The following TSPAN9 variants were observed in gnomAD, a reference collection of about 807,000 sequenced individuals.
The protein encoded by TSPAN9 is tetraspanin 9.
Under a neutral mutation model 31.0 loss-of-function variants are expected in TSPAN9, and 16 were observed. That is an observed-to-expected ratio of 0.52 (90% CI 0.35 to 0.78). The LOEUF is 0.78. TSPAN9 is among the 30% of genes least tolerant of loss of function. The probability of loss-of-function intolerance (pLI) is 0.01; values close to 1 mark genes in which losing one functional copy is unlikely to be tolerated. For missense variants in TSPAN9, 272 were observed against 312.5 expected, an observed-to-expected ratio of 0.87 and a Z score of 0.98; for synonymous variants, 145 against 121.6, an observed-to-expected ratio of 1.19 and a Z score of -1.27.
intron 3 of TSPAN9, among the ~76,000 whole-genome samples, chr12:3,213,788 G>C (rs995283559): frequency 1.3e-5 from 2 of 152,190 alleles, no homozygotes; most frequent in Admixed American, 1.3e-4. Context: ...CTGCATTGCC[G>C]ATTAGCTTTC....
chr12:3,279,341 A>G (rs933830563), intron 5 of TSPAN9, among the ~76,000 whole-genome samples: 6 of 152,234 alleles, frequency 3.9e-5, no homozygotes, highest in African/African-American at 1.4e-4. Context: ...CAGAGATGGC[A>G]GTGGGCTGCC....
chr12:3,278,987 T>C lies in TSPAN9; in HGVS notation c.256-5T>C, dbSNP rs1265115011. 15 of 1,614,134 alleles carry C rather than the reference T, an allele frequency of 9.3e-6. No homozygotes were observed. Among genetic ancestry groups the C allele is most frequent in the Non-Finnish European group, 1.3e-5 (15 of 1,179,982 alleles). ...CCTACCCATGCCTGGCCCTTTCCTT[T>C]CCAGTTTTTCATCGTCCTGTTGGTC... On this transcript the variant is annotated splice_region_variant and splice_polypyrimidine_tract_variant and intron_variant, in intron 4 of 8. Coordinates refer to ENST00000011898, the MANE Select transcript of TSPAN9 (RefSeq NM_006675.5).
At chr12:3,213,142 G>A (rs2098379633) in intron 3 of TSPAN9, among the ~76,000 whole-genome samples, 1 of 152,222 alleles carries the variant, frequency 6.6e-6, no homozygotes, top group African/African-American at 2.4e-5. Context: ...GATCATGCGG[G>A]GAAGGGCATT....
chr12:3,161,136 G>A (rs1286164633), intron 2 of TSPAN9, among the ~76,000 whole-genome samples: 7 of 152,088 alleles, frequency 4.6e-5, no homozygotes, highest in South Asian at 2.1e-4. Context: ...CAGGAGAATC[G>A]CTTGAACCTG....
chr12:3,257,399 A>G (rs944895430), intron 3 of TSPAN9, among the ~76,000 whole-genome samples: 8 of 151,484 alleles, frequency 5.3e-5, no homozygotes, highest in South Asian at 4.2e-4. Context: ...AGACCATACT[A>G]TGGGTTTCTT....
chr12:3,158,217 A>T (rs2098343272), intron 2 of TSPAN9, among the ~76,000 whole-genome samples: 2 of 151,240 alleles, frequency 1.3e-5, no homozygotes. Context: ...CTTTGTCAGC[A>T]CTCTCCCCTG....
intron 3 of TSPAN9, among the ~76,000 whole-genome samples, chr12:3,202,418 G>A (rs1025088512): frequency 2.0e-5 from 3 of 152,204 alleles, no homozygotes; most frequent in East Asian, 3.9e-4. Flanking sequence ...CACATTAGCC[G>A]AAACACTTTT....
intron 2 of TSPAN9, among the ~76,000 whole-genome samples, chr12:3,132,465 C>T (rs1193320126): frequency 6.6e-6 from 1 of 151,902 alleles, no homozygotes; most frequent in African/African-American, 2.4e-5. Context: ...TATGGCCATC[C>T]TAGATGTGAA....
Position 3,172,566 on chromosome 12 carries a change from G to GT in TSPAN9, c.-17-28610dup, listed in dbSNP as rs1391002740. ...CATAACCGCGGGGGTCTGGTCTGGG[G>GT]TGTTTTCACTGACGTTTGGTTGGCC... On this transcript the variant is annotated intron_variant, in intron 2 of 8. Transcript: ENST00000011898. This position sits in a 1 kb window ranked among gnomAD's most constrained non-coding sequence, Gnocchi z 4.8. 2 of 152,226 alleles carry GT rather than the reference G, an allele frequency of 1.3e-5. No homozygotes were observed. Among genetic ancestry groups the GT allele is most frequent in the East Asian group, 1.9e-4 (1 of 5,184 alleles). The allele number at this position is 152,226 out of a possible 1,614,324, so 9.4% of individuals were successfully genotyped here.
chr12:3,223,834 G>A lies in TSPAN9; in HGVS notation c.63+22578G>A, dbSNP rs189240731. 9.9e-3 allele frequency among the ~76,000 whole-genome samples: 1,503 copies of A among 152,300 alleles called. 12 individuals are homozygous for A. The highest frequency in any genetic ancestry group is 0.041 in the Middle Eastern group (12 of 294). Reference sequence around the variant, plus strand: ...CTAGGGGCTGATGGGGTGGCCAGGCGTCGGGATGGCATCCAGTCTTCTCTG... The same window carrying A: ...CTAGGGGCTGATGGGGTGGCCAGGCATCGGGATGGCATCCAGTCTTCTCTG... On this transcript the variant is annotated intron_variant, in intron 3 of 8. Coordinates refer to ENST00000011898, the MANE Select transcript of TSPAN9 (RefSeq NM_006675.5).
intron 3 of TSPAN9, among the ~76,000 whole-genome samples, chr12:3,226,738 GTGTGTGTATATATA>G (rs2098387626): frequency 0.012 from 132 of 10,588 alleles, 23 homozygotes; most frequent in Non-Finnish European, 0.018. Context: ...GTGTGTGTGT[GTGTGTGTATATATA>G]TATATATATA....
chr12:3,118,261 T>TTTTTG (rs2098323449), intron 2 of TSPAN9, among the ~76,000 whole-genome samples: 1 of 54,118 alleles, frequency 1.8e-5, no homozygotes, highest in Non-Finnish European at 3.5e-5. Flanking sequence ...CCGCCGTTTT[T>TTTTTG]TTTTTTTTTT....
intron 3 of TSPAN9, among the ~76,000 whole-genome samples, chr12:3,224,876 G>T (rs185973914): frequency 3.3e-5 from 5 of 152,244 alleles, no homozygotes; most frequent in South Asian, 2.1e-4. Context: ...AGGGGCTTGT[G>T]GGGGGCTGCT....
intron 2 of TSPAN9, among the ~76,000 whole-genome samples, chr12:3,126,599 C>T (rs549086423): frequency 6.6e-6 from 1 of 152,178 alleles, no homozygotes; most frequent in Non-Finnish European, 1.5e-5. Flanking sequence ...ATACCTGAGA[C>T]TGGGTAATTT....
intron 2 of TSPAN9, among the ~76,000 whole-genome samples, chr12:3,119,735 C>T (rs2109206): frequency 0.11 from 16,242 of 152,166 alleles, 2,838 homozygotes; most frequent in African/African-American, 0.37. Context: ...GAGCCATTGG[C>T]AGGTGAGAGA....
At chr12:3,234,882 C>T (rs1056475157) in intron 3 of TSPAN9, among the ~76,000 whole-genome samples, 3 of 151,764 alleles carry the variant, frequency 2.0e-5, no homozygotes, top group Non-Finnish European at 4.4e-5. Flanking sequence ...TAAGTGAGGC[C>T]GGGCGTGGTG....
chr12:3,112,676 C>CTTTTTTTTTTTTTT lies in TSPAN9; in HGVS notation c.-18+28963_-18+28976dup, dbSNP rs765040711. On this transcript the variant is annotated intron_variant, in intron 2 of 8. Transcript: ENST00000011898. The stretch of plus-strand genomic sequence containing the variant: ...TTATTCTCAATCTCATTTATTTTTG[C>CTTTTTTTTTTTTTT]TTTTTTTTTTTTTTTTTTTGGAGAC... Among the ~76,000 whole-genome samples, 32 of 88,514 alleles carry CTTTTTTTTTTTTTT rather than the reference C, an allele frequency of 3.6e-4. 2 individuals are homozygous for CTTTTTTTTTTTTTT. Among genetic ancestry groups the CTTTTTTTTTTTTTT allele is most frequent in the Non-Finnish European group, 5.1e-4 (24 of 47,454 alleles). The allele number at this position is 88,514 out of a possible 152,430, so 58.1% of individuals were successfully genotyped here. A position where few individuals can be genotyped will look rare whatever the true frequency, so the allele number is the denominator to read the frequency against.
At position 3,172,087 on chromosome 12, in the gene TSPAN9, T is replaced by C. The variant is rs1454332084; in HGVS notation, c.-17-29090T>C. ...ACGAAAGTGGGACAGAGCTGCAGGATAAATATTGCTACAGGGCATCTCCAG... is the reference window on the plus strand; with the variant it reads ...ACGAAAGTGGGACAGAGCTGCAGGACAAATATTGCTACAGGGCATCTCCAG... On this transcript the variant is annotated intron_variant, in intron 2 of 8. Coordinates refer to ENST00000011898, the MANE Select transcript of TSPAN9 (RefSeq NM_006675.5). This position sits in a 1 kb window ranked among gnomAD's most constrained non-coding sequence, Gnocchi z 4.8. 1 of 152,176 alleles carries C rather than the reference T, an allele frequency of 6.6e-6. No individual in the cohort carries two copies. The highest frequency in any genetic ancestry group is 1.5e-5 in the Non-Finnish European group (1 of 68,056). The allele number at this position is 152,176 out of a possible 1,614,324, so 9.4% of individuals were successfully genotyped here. A position where few individuals can be genotyped will look rare whatever the true frequency, so the allele number is the denominator to read the frequency against.
chr12:3,233,355 A>G (rs2098391783), intron 3 of TSPAN9, among the ~76,000 whole-genome samples: 1 of 152,244 alleles, frequency 6.6e-6, no homozygotes, highest in South Asian at 2.1e-4. Context: ...GTGGATTGTC[A>G]CAACACATCA....
Sources: gnomAD v4.1 joint callset for allele counts (sites outside exome capture counted in the v4.1 genomes callset) on GRCh38, gnomAD v4.1.1 for gene constraint, Gnocchi (gnomAD v3.1) non-coding constraint, MANE v1.5 for transcripts, NCBI Gene and HGNC (gene_info 2026-07-23, HGNC 2026-07-21) for gene names.